CTIF: variants seen among roughly 807,000 people sequenced by gnomAD.
CTIF encodes CBP80/20-dependent translation initiation factor.
A neutral mutation model predicts 66.0 loss-of-function variants in CTIF; 21 were observed. The ratio of observed to expected loss-of-function variants is 0.32; its 90% CI spans 0.23 to 0.46. The LOEUF is 0.46. CTIF is among the 20% of genes least tolerant of loss of function. The pLI, the probability that CTIF is intolerant of heterozygous loss-of-function variation, is 1.00. For synonymous variants in CTIF, 345 were observed against 326.4 expected, an observed-to-expected ratio of 1.06 and a Z score of -0.62; for missense variants, 739 against 812.7, an observed-to-expected ratio of 0.91 and a Z score of 1.10.
At chr18:48,768,993 A>C (rs1479347507) in intron 9 of CTIF, among the ~76,000 whole-genome samples, 1 of 152,176 alleles carries the variant, frequency 6.6e-6, no homozygotes, top group Non-Finnish European at 1.5e-5. Context: ...GGGGTCGCTG[A>C]GTCTCTGAGC....
chr18:48,607,839 G>C (rs77648168), intron 1 of CTIF, among the ~76,000 whole-genome samples: 1,824 of 152,318 alleles, frequency 0.012, 14 homozygotes, highest in Non-Finnish European at 0.018. Flanking sequence ...TATAATAGCT[G>C]TGGCTATCTT....
intron 9 of CTIF, among the ~76,000 whole-genome samples, chr18:48,811,950 T>C (rs978924770): frequency 3.9e-5 from 6 of 152,206 alleles, no homozygotes; most frequent in Non-Finnish European, 1.5e-5. Context: ...TTTTTGATTT[T>C]TCGAAGAATC....
intron 7 of CTIF, among the ~76,000 whole-genome samples, chr18:48,750,575 G>A (rs1330339896): frequency 6.6e-6 from 1 of 152,244 alleles, no homozygotes; most frequent in Non-Finnish European, 1.5e-5. Flanking sequence ...GACTGTGGTG[G>A]GAAAGGGCTG....
At position 48,606,001 on chromosome 18, in the gene CTIF, C is replaced by A. The variant is rs1408851610; in HGVS notation, c.-28-13537C>A. Among the ~76,000 whole-genome samples, 3 of 152,204 alleles carry A rather than the reference C, an allele frequency of 2.0e-5. No homozygotes were observed. The East Asian group carries it at 5.8e-4, about 29-fold the overall frequency. On this transcript the variant is annotated intron_variant, in intron 1 of 11. Coordinates refer to ENST00000256413, the MANE Select transcript of CTIF (RefSeq NM_014772.3). ...CCAACCCTAGGAAACCATACCTGAA[C>A]CTTCTATGTGGCCTTGGCCAAGAGG... is the stretch of plus-strand genomic sequence containing the variant.
intron 9 of CTIF, among the ~76,000 whole-genome samples, chr18:48,783,557 A>T (rs990289998): frequency 3.2e-4 from 49 of 152,114 alleles, no homozygotes; most frequent in African/African-American, 1.2e-3. Flanking sequence ...GGATAAGAGG[A>T]ACTGTTGAGT....
intron 6 of CTIF, among the ~76,000 whole-genome samples, chr18:48,696,955 G>C (rs1351561651): frequency 6.6e-6 from 1 of 152,220 alleles, no homozygotes; most frequent in Non-Finnish European, 1.5e-5. Flanking sequence ...GGGGACCCAG[G>C]TCTTTGTTAC....
rs142784708 is a variant in CTIF, at chr18:48,761,608, C to T, written c.1290C>T (p.Thr430=). Residue 430 remains threonine (T), a synonymous_variant, in exon 9 of 12, where the codon ACC becomes ACT. Coordinates refer to ENST00000256413, the MANE Select transcript of CTIF (RefSeq NM_014772.3). This position sits in a 1 kb window ranked among gnomAD's most constrained non-coding sequence, Gnocchi z 4.2. The part of the protein sequence containing the change: ...KAVSDRSFAF[T]AAKLCDKMAL... ...TGTCCGACCGCAGCTTCGCCTTCAC[C>T]GCTGCCAAGCTCTGCGACAAGATGG... The T allele has an allele frequency of 4.3e-5, 69 of 1,614,058 alleles. No individual in the cohort carries two copies. The highest frequency in any genetic ancestry group is 1.2e-4 in the Admixed American group (7 of 60,008).
chr18:48,839,455 G>T (rs2068888122), intron 10 of CTIF, among the ~76,000 whole-genome samples: 1 of 152,200 alleles, frequency 6.6e-6, no homozygotes, highest in African/African-American at 2.4e-5. Context: ...AGCCACCACT[G>T]ACCGAGCTCA....
At chr18:48,832,189 T>TTTTTTTTTTTTA (rs1289637754) in intron 10 of CTIF, among the ~76,000 whole-genome samples, 4 of 150,074 alleles carry the variant, frequency 2.7e-5, no homozygotes, top group Admixed American at 6.6e-5. Context: ...TTTTTTTTTT[T>TTTTTTTTTTTTA]AAGACAGGGT....
intron 9 of CTIF, among the ~76,000 whole-genome samples, chr18:48,769,517 G>A (rs1909900903): frequency 6.6e-6 from 1 of 152,254 alleles, no homozygotes; most frequent in Admixed American, 6.5e-5. Context: ...TGCAGAGTTG[G>A]CACACACATT....
At chr18:48,723,058 G>A (rs75578939) in intron 7 of CTIF, among the ~76,000 whole-genome samples, 264 of 152,322 alleles carry the variant, frequency 1.7e-3, no homozygotes, top group Middle Eastern at 3.4e-3. Context: ...ATTTACAGAT[G>A]AGGAAAGTCA....
chr18:48,569,751 T>TC (rs3833177), intron 1 of CTIF, among the ~76,000 whole-genome samples: 17,511 of 152,122 alleles, frequency 0.12, 1,703 homozygotes, highest in African/African-American at 0.26. Flanking sequence ...TCAACTTTGC[T>TC]CCCCAGTGTC....
Position 48,857,105 on chromosome 18 carries a change from G to T in CTIF, c.1528-483G>T, listed in dbSNP as rs567436115. 5.9e-5 allele frequency among the ~76,000 whole-genome samples: 9 copies of T among 152,358 alleles called. 1 individual carries two copies. In the South Asian group the frequency reaches 1.9e-3, roughly 32 times the overall value. On this transcript the variant is annotated intron_variant, in intron 10 of 11. Transcript: ENST00000256413. ...TCTACAGCACTGGGCCAGTGGAGAA[G>T]AGGGCTTTGACTCCTGGACTTCCTC...
chr18:48,558,708 A>T (rs1461432180), intron 1 of CTIF, among the ~76,000 whole-genome samples: 1 of 152,340 alleles, frequency 6.6e-6, no homozygotes. Context: ...GCAACTTGTT[A>T]TCTAGGATTT....
At chr18:48,834,221 G>A (rs912921860) in intron 10 of CTIF, among the ~76,000 whole-genome samples, 4 of 152,212 alleles carry the variant, frequency 2.6e-5, no homozygotes, top group African/African-American at 4.8e-5. Flanking sequence ...GAGAGCAAGC[G>A]CCTCCACTCT....
At chr18:48,807,580 GTT>G (rs36110913) in intron 9 of CTIF, among the ~76,000 whole-genome samples, 1,901 of 102,636 alleles carry the variant, frequency 0.019, 25 homozygotes, top group African/African-American at 0.058. Context: ...TTGTTGTTGT[GTT>G]TTTTTTTTTT....
Position 48,862,050 on chromosome 18 carries a change from CTATT to C in CTIF, c.*2493_*2496del, listed in dbSNP as rs2069481482. The C allele has an allele frequency of 6.6e-6, 1 of 150,940 alleles. No individual in the cohort carries two copies. Among genetic ancestry groups the C allele is most frequent in the South Asian group, 2.1e-4 (1 of 4,768 alleles). The allele number at this position is 150,940 out of a possible 1,614,324, so 9.4% of individuals were successfully genotyped here. ...CAGATATGGAAGGAAAACGTTAAGA[CTATT>C]TTTTTTTTAAAGAAACAACAGTCAA... On this transcript the variant is annotated 3_prime_UTR_variant, in exon 12 of 12. Coordinates refer to ENST00000256413, the MANE Select transcript of CTIF (RefSeq NM_014772.3).
intron 6 of CTIF, among the ~76,000 whole-genome samples, chr18:48,707,593 TCTC>T (rs1458497681): frequency 1.3e-5 from 2 of 151,736 alleles, no homozygotes; most frequent in Non-Finnish European, 2.9e-5. Flanking sequence ...TCCTCTTCCT[TCTC>T]CTTTCTTCCT....
At chr18:48,627,342 C>CAG (rs1435551460) in intron 2 of CTIF, among the ~76,000 whole-genome samples, 1 of 152,092 alleles carries the variant, frequency 6.6e-6, no homozygotes, top group Non-Finnish European at 1.5e-5. Flanking sequence ...CAGGGAAAGA[C>CAG]AGACAATAGA....
Sources: allele counts gnomAD v4.1 joint callset (sites outside exome capture counted in the v4.1 genomes callset), GRCh38; gene constraint gnomAD v4.1.1; non-coding constraint Gnocchi (gnomAD v3.1); transcripts MANE v1.5; gene names NCBI Gene and HGNC (gene_info 2026-07-23, HGNC 2026-07-21).